The following FBXO15 variants were observed in gnomAD, a reference collection of about 807,000 sequenced individuals.
The protein encoded by FBXO15 is F-box only protein 15.
A neutral mutation model predicts 49.5 loss-of-function variants in FBXO15; 30 were observed. The ratio of observed to expected loss-of-function variants is 0.61; its 90% CI spans 0.45 to 0.82. The LOEUF is 0.82. FBXO15 is among the 40% of genes least tolerant of loss of function. FBXO15 has a pLI of 0.00. For missense variants in FBXO15, 591 were observed against 631.5 expected (o/e 0.94, Z 0.69); for synonymous variants, 250 against 232.7 (o/e 1.07, Z -0.68).
chr18:74,091,646 G>A (rs1467509838), intron 8 of FBXO15, among the ~76,000 whole-genome samples: 1 of 152,222 alleles, frequency 6.6e-6, no homozygotes, highest in African/African-American at 2.4e-5. Context: ...CCCTTATGAA[G>A]CTTCATTTGT....
At chr18:74,092,888 G>A (rs537533302) in intron 8 of FBXO15, among the ~76,000 whole-genome samples, 1 of 152,146 alleles carries the variant, frequency 6.6e-6, no homozygotes, top group African/African-American at 2.4e-5. Context: ...ACAGCAGGGT[G>A]CATGCTTGTC....
intron 9 of FBXO15, among the ~76,000 whole-genome samples, chr18:74,080,300 A>G (rs1327118749): frequency 6.6e-6 from 1 of 152,220 alleles, no homozygotes; most frequent in Admixed American, 6.5e-5. Flanking sequence ...AGGACGGCTT[A>G]GTCTTAATAC....
chr18:74,106,591 G>A (rs1913779078), intron 8 of FBXO15, among the ~76,000 whole-genome samples: 2 of 152,102 alleles, frequency 1.3e-5, no homozygotes, highest in African/African-American at 4.8e-5. Flanking sequence ...AATTGATTAA[G>A]GTTAAACACA....
In FBXO15 at chr18:74,129,387, C is replaced by G. The variant is rs1240326809; in HGVS notation, c.785+18G>C. 1 of 1,606,320 alleles carries G rather than the reference C, an allele frequency of 6.2e-7. No individual in the cohort carries two copies. Among genetic ancestry groups the G allele is most frequent in the Non-Finnish European group, 8.5e-7 (1 of 1,173,934 alleles). On this transcript the variant is annotated intron_variant, in intron 5 of 9. Coordinates refer to ENST00000419743, the MANE Select transcript of FBXO15 (RefSeq NM_001142958.2). Reference sequence around the variant, plus strand: ...TATAAGATGCTCTCACTCAACAGTTCTGCTGATTGGTACTTACCTATGTTT... The same window carrying G: ...TATAAGATGCTCTCACTCAACAGTTGTGCTGATTGGTACTTACCTATGTTT...
At chr18:74,118,242 G>T (rs890265908) in intron 8 of FBXO15, among the ~76,000 whole-genome samples, 5 of 151,936 alleles carry the variant, frequency 3.3e-5, no homozygotes, top group African/African-American at 1.2e-4. Flanking sequence ...GAAGTGATCT[G>T]CCTGCCTCAG....
intron 2 of FBXO15, among the ~76,000 whole-genome samples, chr18:74,137,949 C>T (rs1978822733): frequency 6.6e-6 from 1 of 152,142 alleles, no homozygotes; most frequent in Non-Finnish European, 1.5e-5. Context: ...ACTTTCTTCC[C>T]CCTATTCCGA....
chr18:74,131,444 C>A (rs906272637), intron 3 of FBXO15, among the ~76,000 whole-genome samples: 1 of 152,176 alleles, frequency 6.6e-6, no homozygotes, highest in South Asian at 2.1e-4. Flanking sequence ...GGTTTCACTG[C>A]CTCTTCAATC....
chr18:74,076,160 G>A (rs1263624454), intron 9 of FBXO15: 2 of 152,206 alleles, frequency 1.3e-5, no homozygotes. Flanking sequence ...TAGCCCTGAC[G>A]AGCCAACCAT....
At chr18:74,125,148 G>A (rs985730515) in intron 6 of FBXO15, among the ~76,000 whole-genome samples, 38 of 152,160 alleles carry the variant, frequency 2.5e-4, no homozygotes, top group African/African-American at 8.2e-4. Context: ...AAATTTGAAG[G>A]TGCCACTCTC....
intron 8 of FBXO15, among the ~76,000 whole-genome samples, chr18:74,088,444 T>C (rs1430760836): frequency 6.6e-6 from 1 of 152,222 alleles, no homozygotes; most frequent in East Asian, 1.9e-4. Flanking sequence ...CCCTGCATCA[T>C]TTATTGAATA....
At chr18:74,124,667 T>C (rs1286206153) in intron 6 of FBXO15, 96 bp from the exon 7 acceptor site, 11 of 1,013,272 alleles carry the variant, frequency 1.1e-5, no homozygotes, top group Non-Finnish European at 1.7e-5. Flanking sequence ...ATCTTGCAGA[T>C]AGAGGCACTT....
chr18:74,117,665 G>C lies in FBXO15; in HGVS notation c.1138+5703C>G, dbSNP rs565239593. 3.9e-5 allele frequency among the ~76,000 whole-genome samples: 6 copies of C among 152,262 alleles called. No homozygotes were observed. In the East Asian group the frequency reaches 1.2e-3, roughly 29 times the overall value. On this transcript the variant is annotated intron_variant, in intron 8 of 9. Transcript: ENST00000419743. Reference sequence around the variant, plus strand: ...TCTGATTCCTCATCAATAACATGGGGAGGTGAAAGTACCCACAGCTCAGGC... The same window carrying C: ...TCTGATTCCTCATCAATAACATGGGCAGGTGAAAGTACCCACAGCTCAGGC...
chr18:74,085,507 C>T (rs1912699385), intron 8 of FBXO15, among the ~76,000 whole-genome samples: 3 of 152,106 alleles, frequency 2.0e-5, no homozygotes, highest in Admixed American at 2.0e-4. Flanking sequence ...GTGGGAGAAT[C>T]GCTTGAACCA....
At chr18:74,134,715 A>C (rs1382142221) in intron 3 of FBXO15, among the ~76,000 whole-genome samples, 1 of 152,152 alleles carries the variant, frequency 6.6e-6, no homozygotes, top group Non-Finnish European at 1.5e-5. Flanking sequence ...TATAATCCCT[A>C]GAAATGCAGA....
chr18:74,131,267 T>G (rs755034287), intron 3 of FBXO15, among the ~76,000 whole-genome samples: 6 of 152,246 alleles, frequency 3.9e-5, no homozygotes, highest in Non-Finnish European at 7.3e-5. Context: ...GTATTATACA[T>G]GACTCATTTA....
At chr18:74,090,995 A>T (rs754027966) in intron 8 of FBXO15, among the ~76,000 whole-genome samples, 9 of 152,146 alleles carry the variant, frequency 5.9e-5, no homozygotes, top group African/African-American at 2.2e-4. Context: ...GTGGGGTACT[A>T]AAGTCTCCCA....
chr18:74,084,355 C>A (rs1302667872), intron 8 of FBXO15, among the ~76,000 whole-genome samples: 1 of 152,164 alleles, frequency 6.6e-6, no homozygotes, highest in Non-Finnish European at 1.5e-5. Context: ...TTCCTGTAAA[C>A]CTGGAGTCGG....
intron 1 of FBXO15, among the ~76,000 whole-genome samples, chr18:74,144,897 T>C (rs375385455): frequency 3.2e-4 from 49 of 152,296 alleles, no homozygotes; most frequent in African/African-American, 1.1e-3. Flanking sequence ...CCCGAATTTA[T>C]GAAAGATTAC....
intron 8 of FBXO15, among the ~76,000 whole-genome samples, chr18:74,094,089 T>C (rs1913173058): frequency 1.3e-5 from 2 of 152,216 alleles, no homozygotes; most frequent in Admixed American, 1.3e-4. Flanking sequence ...TACATCTCCA[T>C]CAGAGCTCTT....
Sources: gnomAD v4.1 joint callset for allele counts (sites outside exome capture counted in the v4.1 genomes callset) on GRCh38, gnomAD v4.1.1 for gene constraint, MANE v1.5 for transcripts, NCBI Gene and HGNC (gene_info 2026-07-23, HGNC 2026-07-21) for gene names.